HEPH: variants seen among roughly 807,000 people sequenced by gnomAD.
The protein encoded by HEPH is hephaestin.
HEPH carries 69 observed loss-of-function variants against 80.8 expected under a neutral mutation model. That is an observed-to-expected ratio of 0.85 (90% CI 0.70 to 1.04). The LOEUF (loss-of-function observed/expected upper bound fraction) is 1.04. Ranked by LOEUF, HEPH falls within the 50% of genes least tolerant of loss-of-function variation. HEPH has a pLI of 0.00. For missense variants in HEPH, 1,115 were observed against 891.3 expected (o/e 1.25, Z -3.20); for synonymous variants, 431 against 322.8 (o/e 1.34, Z -3.60).
intron 15 of HEPH, among the ~76,000 whole-genome samples, chrX:66,222,223 G>A (rs914909919): frequency 1.8e-5 from 2 of 113,034 alleles, no homozygotes; most frequent in African/African-American, 3.2e-5. Flanking sequence ...GACGGAGGTT[G>A]GATGGCCCTT....
intron 15 of HEPH, among the ~76,000 whole-genome samples, chrX:66,223,445 A>G (rs892380827): frequency 1.8e-5 from 2 of 111,423 alleles, no homozygotes; most frequent in Non-Finnish European, 3.8e-5. Context: ...TCACCTTTAT[A>G]TTAGTATACT....
At chrX:66,218,899 G>T (rs970692108) in intron 15 of HEPH, among the ~76,000 whole-genome samples, 19 of 112,098 alleles carry the variant, frequency 1.7e-4, no homozygotes, top group African/African-American at 6.2e-4. Context: ...GGCCTAGGGT[G>T]TGGCACCGGG....
chrX:66,204,424 C>T (rs778672910), intron 13 of HEPH, among the ~76,000 whole-genome samples: 3 of 112,069 alleles, frequency 2.7e-5, no homozygotes, highest in Non-Finnish European at 5.6e-5. Context: ...TTACTCTTTG[C>T]GTTGTTCGTT....
intron 15 of HEPH, among the ~76,000 whole-genome samples, chrX:66,215,586 A>C (rs991822062): frequency 1.8e-5 from 2 of 112,089 alleles, no homozygotes; most frequent in African/African-American, 6.5e-5. Flanking sequence ...TAGAAGAATA[A>C]TTTTAAAACC....
Position 66,200,455 on chromosome X carries a change from G to A in HEPH, c.1865-85G>A, listed in dbSNP as rs537962917. 2.9e-4 allele frequency: 224 copies of A among 759,854 alleles called. 1 individual carries two copies. In the South Asian group the frequency reaches 5.6e-3, roughly 19 times the overall value. 62.6% of individuals were successfully genotyped at this position (759,854 alleles called of 1,213,427 possible). Reference sequence around the variant, plus strand: ...CAGTTTCAAGTTGTGTGAAACCATAGTACATAGCTGATGCCATGCTCCTGG... The same window carrying A: ...CAGTTTCAAGTTGTGTGAAACCATAATACATAGCTGATGCCATGCTCCTGG... On this transcript the variant is annotated intron_variant, in intron 11 of 20. Coordinates refer to ENST00000343002, the MANE Select transcript of HEPH (RefSeq NM_001367233.3).
chrX:66,209,565 T>C (rs1602351801), intron 15 of HEPH, among the ~76,000 whole-genome samples: 1 of 112,270 alleles, frequency 8.9e-6, no homozygotes, highest in East Asian at 2.8e-4. Context: ...AAGAATGCAG[T>C]GTGCAAAGGC....
At chrX:66,248,693 A>G (rs2090902841) in intron 15 of HEPH, among the ~76,000 whole-genome samples, 1 of 112,382 alleles carries the variant, frequency 8.9e-6, no homozygotes, top group Non-Finnish European at 1.9e-5. Flanking sequence ...GTAGCACTTC[A>G]AACTACAAAA....
chrX:66,191,534 A>G (rs1268367477), intron 6 of HEPH, among the ~76,000 whole-genome samples: 1 of 112,147 alleles, frequency 8.9e-6, no homozygotes, highest in Admixed American at 9.4e-5. Flanking sequence ...AGTACCATCC[A>G]TTGCCATTGT....
At chrX:66,237,061 A>G (rs1249931609) in intron 15 of HEPH, among the ~76,000 whole-genome samples, 1 of 110,791 alleles carries the variant, frequency 9.0e-6, no homozygotes, top group South Asian at 3.8e-4. Context: ...ACTTCAAAAA[A>G]CAAACCCCTG....
At chrX:66,268,775 C>T (rs1408025507), downstream of HEPH, 2 of 111,630 alleles carry the variant, frequency 1.8e-5, no homozygotes, top group African/African-American at 6.5e-5. Flanking sequence ...TAAGTTTGCT[C>T]CAAGTAGGGA....
Position 66,242,230 on chromosome X carries a change from C to A in HEPH, c.2564-12805C>A, listed in dbSNP as rs144181753. On this transcript the variant is annotated intron_variant, in intron 15 of 20. Transcript: ENST00000343002. Reference sequence around the variant, plus strand: ...AATAAAGCTGCACATGTAGAACCATCTGATCTTTTTTAAATATGACAAAAG... The same window carrying A: ...AATAAAGCTGCACATGTAGAACCATATGATCTTTTTTAAATATGACAAAAG... 5.6e-3 allele frequency among the ~76,000 whole-genome samples: 624 copies of A among 111,292 alleles called. 5 individuals are homozygous for A. Among genetic ancestry groups the A allele is most frequent in the African/African-American group, 0.019 (596 of 30,722 alleles).
At chrX:66,255,337 G>A (rs962693494) in intron 16 of HEPH, among the ~76,000 whole-genome samples, 196 bp downstream of exon 16, 8 of 110,903 alleles carry the variant, frequency 7.2e-5, no homozygotes, top group African/African-American at 2.6e-4. Flanking sequence ...TTGTCATGAA[G>A]ATTTTCTTCC....
intron 15 of HEPH, among the ~76,000 whole-genome samples, chrX:66,223,958 C>T (rs1411949566): frequency 9.0e-6 from 1 of 111,446 alleles, no homozygotes; most frequent in Non-Finnish European, 1.9e-5. Context: ...GACAATTCTT[C>T]GACATGCCTT....
intron 4 of HEPH, among the ~76,000 whole-genome samples, chrX:66,178,555 C>T (rs1390559435): frequency 8.9e-6 from 1 of 112,142 alleles, no homozygotes; most frequent in Non-Finnish European, 1.9e-5. Context: ...GTTTGTAGTC[C>T]CACCAACAGT....
chrX:66,176,473 A>T (rs1184032166), intron 4 of HEPH, among the ~76,000 whole-genome samples: 7 of 111,376 alleles, frequency 6.3e-5, no homozygotes, highest in Non-Finnish European at 1.1e-4. Context: ...TTCATCAGGG[A>T]TATCGGTCTG....
At chrX:66,184,233 C>G (rs1301899394) in intron 4 of HEPH, among the ~76,000 whole-genome samples, 1 of 59,879 alleles carries the variant, frequency 1.7e-5, no homozygotes, top group Admixed American at 1.7e-4. Flanking sequence ...TGGTGCAGAG[C>G]TGAGTTCAAT....
chrX:66,174,016 A>T (rs372238575), intron 4 of HEPH, among the ~76,000 whole-genome samples: 249 of 107,987 alleles, frequency 2.3e-3, no homozygotes, highest in African/African-American at 8.1e-3. Flanking sequence ...GTTAGGAACA[A>T]TTTTTTTTTC....
At chrX:66,258,737 C>T (rs146138251) in intron 17 of HEPH, 103 bp from the exon 18 acceptor site, 27,007 of 603,037 alleles carry the variant, frequency 0.045, 557 homozygotes, top group Middle Eastern at 0.085. Context: ...TTGCTATCTT[C>T]GGTAAAAAAG....
Position 66,263,691 on chromosome X carries a change from A to G in HEPH, c.3244+3A>G. On this transcript the variant is annotated splice_donor_region_variant and intron_variant, in intron 20 of 20. Coordinates refer to ENST00000343002, the MANE Select transcript of HEPH (RefSeq NM_001367233.3). ...CATCACCAAAGAGACTGAAAAAGGT[A>G]CGTAAAATGATGCACAGACTGGGTA... 1 of 1,206,686 alleles carries G rather than the reference A, an allele frequency of 8.3e-7. No individual in the cohort carries two copies. Among genetic ancestry groups the G allele is most frequent in the Non-Finnish European group, 1.1e-6 (1 of 891,265 alleles).
Sources: allele counts gnomAD v4.1 joint callset (sites outside exome capture counted in the v4.1 genomes callset), GRCh38; gene constraint gnomAD v4.1.1; transcripts MANE v1.5; gene names NCBI Gene and HGNC (gene_info 2026-07-23, HGNC 2026-07-21).